PTPRD: variants seen among roughly 807,000 people sequenced by gnomAD.
PTPRD encodes protein tyrosine phosphatase receptor type D, also known as receptor-type tyrosine-protein phosphatase delta.
In PTPRD, 34 loss-of-function variants were observed where a neutral mutation model predicts 214.5. The observed-to-expected ratio is 0.16, with a 90% CI of 0.12 to 0.21. The LOEUF (loss-of-function observed/expected upper bound fraction) is 0.21, where lower values mean the gene tolerates loss of function less well. Among genes scored for constraint, PTPRD ranks in the 10% least tolerant of loss-of-function variants. PTPRD has a pLI of 1.00. For synonymous variants in PTPRD, 1,128 were observed against 845.7 expected (o/e 1.33, Z -5.79); for missense variants, 2,545 against 2,398.7 (o/e 1.06, Z -1.27).
At chr9:10,137,693 G>C (rs200065700) in intron 3 of PTPRD, among the ~76,000 whole-genome samples, 1 of 42,418 alleles carries the variant, frequency 2.4e-5, no homozygotes, top group Non-Finnish European at 4.1e-5. Flanking sequence ...CTAAAACTTA[G>C]AGTATAATAA....
intron 43 of PTPRD, among the ~76,000 whole-genome samples, chr9:8,336,483 T>TTAAAAAAA (rs200451219): frequency 3.5e-5 from 5 of 141,022 alleles, no homozygotes; most frequent in Admixed American, 2.1e-4. Context: ...TGTAAAATGA[T>TTAAAAAAA]GAAAACCCCT....
At chr9:9,393,779 G>A (rs1450961655) in intron 9 of PTPRD, among the ~76,000 whole-genome samples, 2 of 152,136 alleles carry the variant, frequency 1.3e-5, no homozygotes, top group Admixed American at 6.6e-5. Context: ...CTGCGGAATG[G>A]ATTAAATACT....
rs75350743 is a variant in PTPRD at position 10,238,437 on chromosome 9, A to C, written c.-545+102526T>G. Reference sequence around the variant, plus strand: ...TATGTAACATTTCTCCATGTTATCAAACTTCCAACCTTCTCCTTGTTCTTT... The same window carrying C: ...TATGTAACATTTCTCCATGTTATCACACTTCCAACCTTCTCCTTGTTCTTT... On this transcript the variant is annotated intron_variant, in intron 3 of 45. Transcript: ENST00000381196. Among the ~76,000 whole-genome samples, 353 of 152,026 alleles carry C rather than the reference A, an allele frequency of 2.3e-3. 1 individual carries two copies. The highest frequency in any genetic ancestry group is 8.3e-3 in the African/African-American group (345 of 41,540).
intron 9 of PTPRD, among the ~76,000 whole-genome samples, chr9:9,217,680 A>G (rs1266137283): frequency 6.6e-6 from 1 of 152,112 alleles, no homozygotes; most frequent in East Asian, 1.9e-4. Context: ...CTTCCTTTTT[A>G]TATTGAAGGC....
At chr9:8,627,949 T>C (rs1458468806) in intron 14 of PTPRD, among the ~76,000 whole-genome samples, 1 of 151,954 alleles carries the variant, frequency 6.6e-6, no homozygotes, top group African/African-American at 2.4e-5. Flanking sequence ...GAAAGCTTTA[T>C]CGTGTTGGTA....
chr9:9,381,064 G>T (rs545065238), intron 9 of PTPRD, among the ~76,000 whole-genome samples: 1 of 151,700 alleles, frequency 6.6e-6, no homozygotes, highest in Non-Finnish European at 1.5e-5. Flanking sequence ...ATTTTTAATC[G>T]ATAAATGATT....
rs2099301710 is a variant in PTPRD at position 8,980,056 on chromosome 9, GA to G, written c.-104+38640del. On this transcript the variant is annotated intron_variant, in intron 11 of 45. Coordinates refer to ENST00000381196, the MANE Select transcript of PTPRD (RefSeq NM_002839.4). ...GGAATATTATTCAGCCTCAAAAAAAGAAGGAAATCCTGCCATTTGCCATAAC... is the reference window on the plus strand; with the variant it reads ...GGAATATTATTCAGCCTCAAAAAAAGAGGAAATCCTGCCATTTGCCATAAC... Among the ~76,000 whole-genome samples the G allele has an allele frequency of 2.0e-5, 3 of 152,142 alleles. No individual in the cohort carries two copies. In the South Asian group the frequency reaches 6.2e-4, roughly 32 times the overall value.
chr9:9,471,939 C>A (rs1589285181), intron 8 of PTPRD, among the ~76,000 whole-genome samples: 1 of 152,058 alleles, frequency 6.6e-6, no homozygotes, highest in Admixed American at 6.6e-5. Context: ...GTTTACTCCT[C>A]AAATCCTGTT....
intron 8 of PTPRD, among the ~76,000 whole-genome samples, chr9:9,446,199 C>T (rs1357077608): frequency 6.6e-6 from 1 of 152,128 alleles, no homozygotes; most frequent in African/African-American, 2.4e-5. Flanking sequence ...TCAAGAAAGA[C>T]TACACTTAAG....
At chr9:10,398,380 T>G (rs143935886) in intron 2 of PTPRD, among the ~76,000 whole-genome samples, 20 of 151,514 alleles carry the variant, frequency 1.3e-4, no homozygotes, top group African/African-American at 3.9e-4. Context: ...TCTATATCTA[T>G]ATCTATATCT....
chr9:10,408,617 T>C (rs1169970279), intron 2 of PTPRD, among the ~76,000 whole-genome samples: 1 of 151,682 alleles, frequency 6.6e-6, no homozygotes, highest in Non-Finnish European at 1.5e-5. Flanking sequence ...AATACTTCTA[T>C]ATATATTAGT....
At chr9:8,336,053 A>C (rs1198652023) in intron 43 of PTPRD, among the ~76,000 whole-genome samples, 2 of 151,630 alleles carry the variant, frequency 1.3e-5, no homozygotes, top group African/African-American at 2.4e-5. Context: ...TTATAGATTC[A>C]ATGCCATCCC....
chr9:8,902,366 T>G (rs1316682256), intron 11 of PTPRD, among the ~76,000 whole-genome samples: 1 of 148,198 alleles, frequency 6.7e-6, no homozygotes, highest in African/African-American at 2.5e-5. Flanking sequence ...TTTTTGAGAC[T>G]GAGTCTTACT....
chr9:9,950,043 G>A (rs138339871), intron 4 of PTPRD, among the ~76,000 whole-genome samples: 140 of 152,150 alleles, frequency 9.2e-4, no homozygotes, highest in Middle Eastern at 3.4e-3. Flanking sequence ...TATTCTTAAC[G>A]TACCATCATA....
intron 10 of PTPRD, among the ~76,000 whole-genome samples, chr9:9,052,807 C>T (rs1463929586): frequency 6.6e-6 from 1 of 152,128 alleles, no homozygotes; most frequent in Non-Finnish European, 1.5e-5. Context: ...TCACTTGAGG[C>T]ACTTGTTTTT....
At chr9:9,345,335 T>C (rs1236040540) in intron 9 of PTPRD, among the ~76,000 whole-genome samples, 1 of 152,102 alleles carries the variant, frequency 6.6e-6, no homozygotes, top group Non-Finnish European at 1.5e-5. Flanking sequence ...CTTCAGAGGT[T>C]ACAGCAGTAG....
At chr9:9,932,014 G>A (rs142374007) in intron 5 of PTPRD, among the ~76,000 whole-genome samples, 5,117 of 151,996 alleles carry the variant, frequency 0.034, 122 homozygotes, top group Non-Finnish European at 0.048. Flanking sequence ...GCAGCTGAGG[G>A]TCCTGTCTGT....
At chr9:10,091,842 C>G in intron 3 of PTPRD, among the ~76,000 whole-genome samples, 1 of 151,348 alleles carries the variant, frequency 6.6e-6, no homozygotes. Context: ...CATTAAGAAA[C>G]AAGTTCAAAA....
At chr9:10,157,441 G>C (rs544094028) in intron 3 of PTPRD, among the ~76,000 whole-genome samples, 1 of 152,266 alleles carries the variant, frequency 6.6e-6, no homozygotes, top group South Asian at 2.1e-4. Flanking sequence ...TTTTCCTTAA[G>C]AATGTTGAAT....
Sources: allele counts gnomAD v4.1 joint callset (sites outside exome capture counted in the v4.1 genomes callset), GRCh38; gene constraint gnomAD v4.1.1; transcripts MANE v1.5; gene names NCBI Gene and HGNC (gene_info 2026-07-23, HGNC 2026-07-21).